TMEM108: variants seen among roughly 807,000 people sequenced by gnomAD.
TMEM108 encodes the protein cancer/testis antigen 124.
A neutral mutation model predicts 35.1 loss-of-function variants in TMEM108; 12 were observed. That is an observed-to-expected ratio of 0.34 (90% CI 0.22 to 0.55). The LOEUF is 0.55. Ranked by LOEUF, TMEM108 falls within the 20% of genes least tolerant of loss-of-function variation. The pLI is 0.89. For synonymous variants in TMEM108, 287 were observed against 308.6 expected (o/e 0.93, Z 0.73); for missense variants, 680 against 753.3 (o/e 0.90, Z 1.14).
At chr3:133,386,615 A>C in intron 4 of TMEM108, 2 of 1,434,894 alleles carry the variant, frequency 1.4e-6, no homozygotes, top group Non-Finnish European at 1.8e-6. Flanking sequence ...GGAAATTGGG[A>C]CTCCATGACC....
At chr3:133,101,926 T>A (rs1395731814) in intron 2 of TMEM108, among the ~76,000 whole-genome samples, 1 of 152,242 alleles carries the variant, frequency 6.6e-6, no homozygotes, top group Non-Finnish European at 1.5e-5. Context: ...TATGATTTAT[T>A]TTCCAGTCTT....
At chr3:133,051,040 T>C (rs1362174127) in intron 2 of TMEM108, among the ~76,000 whole-genome samples, 2 of 151,860 alleles carry the variant, frequency 1.3e-5, no homozygotes, top group Non-Finnish European at 2.9e-5. Context: ...AGGACCATGA[T>C]TGCTGCCTCA....
intron 2 of TMEM108, among the ~76,000 whole-genome samples, chr3:133,081,330 G>A (rs996862343): frequency 2.6e-5 from 4 of 152,184 alleles, no homozygotes; most frequent in East Asian, 1.9e-4. Context: ...CCTCCTTGAC[G>A]TGTTCTCACA....
intron 3 of TMEM108, among the ~76,000 whole-genome samples, chr3:133,328,363 A>C (rs1227183350): frequency 6.6e-6 from 1 of 152,202 alleles, no homozygotes; most frequent in African/African-American, 2.4e-5. Context: ...CTGGATGTAA[A>C]AGTCGGGTTG....
chr3:133,237,308 A>T (rs1200608205), intron 3 of TMEM108, among the ~76,000 whole-genome samples: 1 of 152,088 alleles, frequency 6.6e-6, no homozygotes, highest in Non-Finnish European at 1.5e-5. Flanking sequence ...GCATTTGGAT[A>T]CTAGCAATAC....
chr3:133,215,704 A>T (rs1945897794), intron 2 of TMEM108, among the ~76,000 whole-genome samples: 1 of 152,098 alleles, frequency 6.6e-6, no homozygotes, highest in African/African-American at 2.4e-5. Context: ...ATTGCTTTAG[A>T]TTTTGAGTCA....
chr3:133,167,809 C>T (rs1339392557), intron 2 of TMEM108, among the ~76,000 whole-genome samples: 1 of 152,168 alleles, frequency 6.6e-6, no homozygotes. Flanking sequence ...GGAGCTGGCT[C>T]CAGCCTCAGC....
chr3:133,150,411 G>T (rs1203821165), intron 2 of TMEM108, among the ~76,000 whole-genome samples: 2 of 128,332 alleles, frequency 1.6e-5, no homozygotes, highest in African/African-American at 6.1e-5. Context: ...CCACCTATTA[G>T]ATATATGATA....
chr3:133,320,751 C>G (rs1395703572), intron 3 of TMEM108, among the ~76,000 whole-genome samples: 2 of 152,146 alleles, frequency 1.3e-5, no homozygotes, highest in African/African-American at 4.8e-5. Flanking sequence ...GGGAAAAAAT[C>G]TTAAGAGCTG....
intron 2 of TMEM108, among the ~76,000 whole-genome samples, chr3:133,107,586 C>A (rs1186348458): frequency 6.6e-6 from 1 of 151,852 alleles, no homozygotes; most frequent in Non-Finnish European, 1.5e-5. Context: ...TGTTCTCTAG[C>A]CTTCTAGTGG....
At chr3:133,128,390 T>G (rs1270530870) in intron 2 of TMEM108, among the ~76,000 whole-genome samples, 1 of 152,232 alleles carries the variant, frequency 6.6e-6, no homozygotes, top group Non-Finnish European at 1.5e-5. Context: ...AATAAATATT[T>G]GACCTGTCGA....
rs181833896 is a variant in TMEM108, at chr3:133,324,791, A to C, written c.41-54961A>C. On this transcript the variant is annotated intron_variant, in intron 3 of 5. Coordinates refer to ENST00000321871, the MANE Select transcript of TMEM108 (RefSeq NM_023943.4). ...AGGAGTTCAAGACCAGCCTGGCCAAAATGGTAAAACCCTGTGTCTACTAAA... is the reference window on the plus strand; with the variant it reads ...AGGAGTTCAAGACCAGCCTGGCCAACATGGTAAAACCCTGTGTCTACTAAA... Among the ~76,000 whole-genome samples the C allele has an allele frequency of 1.9e-3, 286 of 152,230 alleles. 2 individuals are homozygous for C. Among genetic ancestry groups the C allele is most frequent in the African/African-American group, 6.5e-3 (272 of 41,560 alleles).
intron 1 of TMEM108, among the ~76,000 whole-genome samples, chr3:133,044,713 A>G (rs1943313945): frequency 1.3e-5 from 2 of 152,164 alleles, no homozygotes; most frequent in South Asian, 4.1e-4. Context: ...TGGTGCTTTG[A>G]GAGGCTGAGG....
intron 2 of TMEM108, among the ~76,000 whole-genome samples, chr3:133,172,204 G>T (rs1945140545): frequency 6.6e-6 from 1 of 152,186 alleles, no homozygotes. Flanking sequence ...TCAAGGGCAT[G>T]TAGCTTACAA....
chr3:133,231,765 C>G (rs1946156802), intron 3 of TMEM108, among the ~76,000 whole-genome samples: 1 of 152,166 alleles, frequency 6.6e-6, no homozygotes. Context: ...AAAACAATTA[C>G]TAGTGGACAT....
At chr3:133,363,729 C>T (rs963596779) in intron 3 of TMEM108, among the ~76,000 whole-genome samples, 6 of 152,128 alleles carry the variant, frequency 3.9e-5, no homozygotes, top group Non-Finnish European at 8.8e-5. Context: ...ATAGCAAAGA[C>T]TTAGGTCAGT....
At position 133,378,803 on chromosome 3, in the gene TMEM108, C is replaced by CTT. The variant is rs34139600; in HGVS notation, c.41-931_41-930dup. Among the ~76,000 whole-genome samples the CTT allele has an allele frequency of 2.2e-4, 29 of 134,426 alleles. 1 individual carries two copies. Among genetic ancestry groups the CTT allele is most frequent in the South Asian group, 1.2e-3 (5 of 4,050 alleles). The allele number at this position is 134,426 out of a possible 152,430, so 88.2% of individuals were successfully genotyped here. A position where few individuals can be genotyped will look rare whatever the true frequency, so the allele number is the denominator to read the frequency against. On this transcript the variant is annotated intron_variant, in intron 3 of 5. Transcript: ENST00000321871. ...TGCACATTGGCTATCATACAAAATC[C>CTT]TTTTTTTTTTTTTTTTTTTAATGTT... is the stretch of plus-strand genomic sequence containing the variant.
rs115523810 is a variant in TMEM108, at chr3:133,184,064, C to G, written c.-46-45202C>G. Among the ~76,000 whole-genome samples, 274 of 152,282 alleles carry G rather than the reference C, an allele frequency of 1.8e-3. 1 individual carries two copies. The highest frequency in any genetic ancestry group is 6.1e-3 in the African/African-American group (254 of 41,562). On this transcript the variant is annotated intron_variant, in intron 2 of 5. Transcript: ENST00000321871. ...AAAAGAACTGGCACAGCCTGCGTAA[C>G]TCCCAACTCCCCACCAGACACCGGG...
At chr3:133,204,561 C>T (rs1945722506) in intron 2 of TMEM108, among the ~76,000 whole-genome samples, 1 of 152,118 alleles carries the variant, frequency 6.6e-6, no homozygotes, top group African/African-American at 2.4e-5. Flanking sequence ...GTTATTTACC[C>T]AGTAGTCATT....
Sources: allele counts gnomAD v4.1 joint callset (sites outside exome capture counted in the v4.1 genomes callset), GRCh38; gene constraint gnomAD v4.1.1; transcripts MANE v1.5; gene names NCBI Gene and HGNC (gene_info 2026-07-23, HGNC 2026-07-21).